ZNF385B: variants seen among roughly 807,000 people sequenced by gnomAD.
ZNF385B encodes zinc finger protein 385B.
A neutral mutation model predicts 39.2 loss-of-function variants in ZNF385B; 23 were observed. The ratio of observed to expected loss-of-function variants is 0.59; its 90% CI spans 0.42 to 0.83. The LOEUF (loss-of-function observed/expected upper bound fraction) is 0.83. ZNF385B is among the 40% of genes least tolerant of loss of function. The pLI is 0.00. For missense variants in ZNF385B, 552 were observed against 598.9 expected, an observed-to-expected ratio of 0.92 and a Z score of 0.82; for synonymous variants, 205 against 222.6, an observed-to-expected ratio of 0.92 and a Z score of 0.70.
At chr2:179,465,240 T>C (rs1033730032) in intron 6 of ZNF385B, among the ~76,000 whole-genome samples, 1 of 152,178 alleles carries the variant, frequency 6.6e-6, no homozygotes, top group Non-Finnish European at 1.5e-5. Context: ...CCTATTCTTC[T>C]GCCTGTCCCT....
At chr2:179,459,636 T>C (rs759060884) in intron 6 of ZNF385B, among the ~76,000 whole-genome samples, 1 of 151,698 alleles carries the variant, frequency 6.6e-6, no homozygotes, top group Non-Finnish European at 1.5e-5. Context: ...TGGATTTATA[T>C]ATACAAATGT....
intron 3 of ZNF385B, among the ~76,000 whole-genome samples, chr2:179,579,983 A>T (rs905939799): frequency 6.6e-6 from 1 of 152,176 alleles, no homozygotes; most frequent in South Asian, 2.1e-4. Flanking sequence ...AGCCAAATTC[A>T]GCTCATATTT....
intron 3 of ZNF385B, among the ~76,000 whole-genome samples, chr2:179,725,315 T>A (rs1440735556): frequency 6.6e-6 from 1 of 151,996 alleles, no homozygotes; most frequent in African/African-American, 2.4e-5. Flanking sequence ...AGGTTAGTTA[T>A]AAATGAAAAA....
chr2:179,468,312 G>A (rs969953337), intron 6 of ZNF385B, among the ~76,000 whole-genome samples: 2 of 152,122 alleles, frequency 1.3e-5, no homozygotes, highest in Non-Finnish European at 2.9e-5. Context: ...CTCTTATTTT[G>A]TGTAGTTTTT....
chr2:179,544,792 G>A (rs757611168), intron 4 of ZNF385B, 35 bp downstream of exon 4: 4 of 1,612,546 alleles, frequency 2.5e-6, no homozygotes, highest in African/African-American at 1.3e-5. Flanking sequence ...ATTGATGGAG[G>A]AGGACACAAA....
At chr2:179,665,869 T>G (rs1386102599) in intron 3 of ZNF385B, among the ~76,000 whole-genome samples, 1 of 152,084 alleles carries the variant, frequency 6.6e-6, no homozygotes, top group Non-Finnish European at 1.5e-5. Flanking sequence ...GTATACCCAC[T>G]CTACCTTGCT....
intron 4 of ZNF385B, among the ~76,000 whole-genome samples, chr2:179,528,616 C>T (rs2059070680): frequency 6.6e-6 from 1 of 152,206 alleles, no homozygotes; most frequent in Non-Finnish European, 1.5e-5. Context: ...TTCACCATCT[C>T]CTTCTCTTTA....
chr2:179,670,534 C>T lies in ZNF385B; in HGVS notation c.298+98969G>A, dbSNP rs1210929132. On this transcript the variant is annotated intron_variant, in intron 3 of 9. Coordinates refer to ENST00000410066, the MANE Select transcript of ZNF385B (RefSeq NM_152520.6). ...ACTAATAGGTCTTGAAAATTTGTTA[C>T]TCACTTTGAAATACAATTCATTTAA... 2.0e-5 allele frequency among the ~76,000 whole-genome samples: 3 copies of T among 151,920 alleles called. No homozygotes were observed. In the East Asian group the frequency reaches 5.8e-4, roughly 29 times the overall value.
At position 179,609,983 on chromosome 2, in the gene ZNF385B, C is replaced by A. The variant is rs531187887; in HGVS notation, c.299-65014G>T. On this transcript the variant is annotated intron_variant, in intron 3 of 9. Transcript: ENST00000410066. ...TTAATCCCATGTCAGATGGATACTT[C>A]GCAAATATTTTCTTCCATTTTGTGG... Among the ~76,000 whole-genome samples the A allele has an allele frequency of 2.6e-5, 4 of 152,210 alleles. No individual in the cohort carries two copies. The East Asian group carries it at 7.7e-4, about 29-fold the overall frequency.
At chr2:179,528,151 A>T (rs1258196250) in intron 4 of ZNF385B, among the ~76,000 whole-genome samples, 1 of 152,214 alleles carries the variant, frequency 6.6e-6, no homozygotes, top group Admixed American at 6.5e-5. Flanking sequence ...CAAGTGGTAA[A>T]ACCTGTAGAC....
intron 3 of ZNF385B, among the ~76,000 whole-genome samples, chr2:179,580,126 C>T (rs1334644026): frequency 6.6e-6 from 1 of 152,144 alleles, no homozygotes; most frequent in Non-Finnish European, 1.5e-5. Flanking sequence ...AGAGCCACTG[C>T]ACCATCCCAA....
At chr2:179,714,544 T>C (rs897935345) in intron 3 of ZNF385B, among the ~76,000 whole-genome samples, 1 of 152,196 alleles carries the variant, frequency 6.6e-6, no homozygotes. Flanking sequence ...TCAAAAGCTA[T>C]GGCTGTTAAA....
At chr2:179,844,524 T>C (rs1708701295) in intron 1 of ZNF385B, among the ~76,000 whole-genome samples, 1 of 152,178 alleles carries the variant, frequency 6.6e-6, no homozygotes, top group Non-Finnish European at 1.5e-5. Context: ...CACCCCATAG[T>C]CTCTGGTTGC....
intron 3 of ZNF385B, among the ~76,000 whole-genome samples, chr2:179,607,261 T>A (rs1688883955): frequency 6.6e-6 from 1 of 152,092 alleles, no homozygotes; most frequent in Non-Finnish European, 1.5e-5. Context: ...AATCCTATCT[T>A]GAATTGTAAT....
chr2:179,466,986 A>G (rs889988023), intron 6 of ZNF385B, among the ~76,000 whole-genome samples: 29 of 144,178 alleles, frequency 2.0e-4, no homozygotes, highest in African/African-American at 5.8e-4. Context: ...AGGGGAGGGG[A>G]AGGGAGGGAA....
At chr2:179,828,040 ATT>A (rs1355951380) in intron 1 of ZNF385B, among the ~76,000 whole-genome samples, 2 of 152,120 alleles carry the variant, frequency 1.3e-5, no homozygotes, top group African/African-American at 4.8e-5. Flanking sequence ...TATGTAAAGT[ATT>A]GTGTTTTTAT....
chr2:179,453,552 C>T (rs1183773917), intron 6 of ZNF385B, among the ~76,000 whole-genome samples: 1 of 152,066 alleles, frequency 6.6e-6, no homozygotes, highest in East Asian at 1.9e-4. Flanking sequence ...ATTTCATTCC[C>T]CAGTTAGACT....
intron 3 of ZNF385B, among the ~76,000 whole-genome samples, chr2:179,584,665 G>A (rs951406654): frequency 3.3e-5 from 5 of 152,290 alleles, no homozygotes; most frequent in African/African-American, 7.2e-5. Flanking sequence ...TATGCCTACC[G>A]AGGAATGCAG....
At chr2:179,514,203 C>T (rs2057912213) in intron 5 of ZNF385B, 1 of 152,608 alleles carries the variant, frequency 6.6e-6, no homozygotes. Context: ...TTTCCAGCTT[C>T]TAGAGGTTGC....
Sources: gnomAD v4.1 joint callset for allele counts (sites outside exome capture counted in the v4.1 genomes callset) on GRCh38, gnomAD v4.1.1 for gene constraint, MANE v1.5 for transcripts, NCBI Gene and HGNC (gene_info 2026-07-23, HGNC 2026-07-21) for gene names.